MLXIPL: variants seen among roughly 807,000 people sequenced by gnomAD.
The protein encoded by MLXIPL is carbohydrate-responsive element-binding protein.
MLXIPL carries 49 observed loss-of-function variants against 81.5 expected under a neutral mutation model. That is an observed-to-expected ratio of 0.60 (90% CI 0.48 to 0.76). The LOEUF is 0.76. MLXIPL is among the 30% of genes least tolerant of loss of function. The pLI is 0.00. For missense variants in MLXIPL, 1,053 were observed against 1,167.0 expected, an observed-to-expected ratio of 0.90 and a Z score of 1.42; for synonymous variants, 466 against 485.5, an observed-to-expected ratio of 0.96 and a Z score of 0.53.
Position 73,624,463 on chromosome 7 carries a change from C to T in MLXIPL, c.30G>A (p.Ala10=), listed in dbSNP as rs1157894212. The change falls in exon 1 of 17, where the codon GCG becomes GCA. Residue 10 remains alanine (A), a synonymous_variant. Transcript: ENST00000313375. Reference sequence around the variant, plus strand: ...GCGCGACCCGCGGGACCTGCAAGCCCGCGGCCAGACCTGCCAGCGCGCCGG... The same window carrying T: ...GCGCGACCCGCGGGACCTGCAAGCCTGCGGCCAGACCTGCCAGCGCGCCGG... MAGALAGLA[A]GLQVPRVAPS... 1 of 1,544,448 alleles carries T rather than the reference C, an allele frequency of 6.5e-7. No individual in the cohort carries two copies. Among genetic ancestry groups the T allele is most frequent in the South Asian group, 1.2e-5 (1 of 85,074 alleles).
At chr7:73,620,876 C>A (rs1203604168) in intron 1 of MLXIPL, among the ~76,000 whole-genome samples, 3 of 151,930 alleles carry the variant, frequency 2.0e-5, no homozygotes, top group Non-Finnish European at 4.4e-5. Context: ...CATGGTGAAA[C>A]CTCGTCTCTA....
At position 73,597,657 on chromosome 7, in the gene MLXIPL, G is replaced by T. The variant is rs111339223; in HGVS notation, c.1128C>A (p.Phe376Leu). 2.3e-4 allele frequency: 321 copies of T among 1,389,076 alleles called. No individual in the cohort carries two copies. The highest frequency in any genetic ancestry group is 6.0e-4 in the South Asian group (30 of 50,148). 86.0% of individuals were successfully genotyped at this position (1,389,076 alleles called of 1,614,324 possible). ...LDSSAFLSSD[F>L]LLPEDPKPRL... Reference sequence around the variant, plus strand: ...GGGGCTTGGGGTCTTCAGGAAGGAGGAAATCAGAACTCAGGAAGGCGCTGG... The same window carrying T: ...GGGGCTTGGGGTCTTCAGGAAGGAGTAAATCAGAACTCAGGAAGGCGCTGG... Residue 376 changes from phenylalanine to leucine, a missense_variant, in exon 9 of 17, where the codon TTC becomes TTA. Phe to Leu is a conservative substitution (Grantham distance 22). Transcript: ENST00000313375.
At position 73,597,724 on chromosome 7, in the gene MLXIPL, GGACA is replaced by G; in HGVS notation, c.1072-15_1072-12del. The G allele has an allele frequency of 7.5e-7, 1 of 1,337,732 alleles. No homozygotes were observed. The highest frequency in any genetic ancestry group is 9.6e-7 in the Non-Finnish European group (1 of 1,047,044). The allele number at this position is 1,337,732 out of a possible 1,614,324, so 82.9% of individuals were successfully genotyped here. On this transcript the variant is annotated splice_polypyrimidine_tract_variant and intron_variant, in intron 8 of 16. Transcript: ENST00000313375. ...GCAGCTGTTCCGAGCCTGGTTGGGG[GGACA>G]GACAGACACTCAGAGAGCAGGGGAG... is the stretch of plus-strand genomic sequence containing the variant.
At chr7:73,627,972 G>GCTTT (rs150402439), upstream of MLXIPL, among the ~76,000 whole-genome samples, 1 of 151,974 alleles carries the variant, frequency 6.6e-6, no homozygotes, top group Admixed American at 6.6e-5. Context: ...CAAACTCAGT[G>GCTTT]CTTTCTTTCT....
chr7:73,637,416 A>G, the MLXIPL span, among the ~76,000 whole-genome samples: 1 of 151,984 alleles, frequency 6.6e-6, no homozygotes, highest in African/African-American at 2.4e-5. Context: ...TGGAGTTTGC[A>G]GTGAGCTGAG....
chr7:73,602,280 G>C (rs1335880901), intron 7 of MLXIPL, among the ~76,000 whole-genome samples: 1 of 147,670 alleles, frequency 6.8e-6, no homozygotes, highest in African/African-American at 2.5e-5. Flanking sequence ...ACAGTGGCAC[G>C]ATCTCGGCTC....
chr7:73,642,233 C>T, the MLXIPL span, among the ~76,000 whole-genome samples: 7,181 of 152,148 alleles, frequency 0.047, 201 homozygotes, highest in Non-Finnish European at 0.063. Flanking sequence ...GGGTGGTGCA[C>T]GGAGCTTCCA....
chr7:73,624,214 C>T lies in MLXIPL; in HGVS notation c.279G>A (p.Leu93=). The T allele has an allele frequency of 2.5e-6, 4 of 1,593,960 alleles. No individual in the cohort carries two copies. Among genetic ancestry groups the T allele is most frequent in the Non-Finnish European group, 3.4e-6 (4 of 1,171,386 alleles). The change falls in exon 1 of 17, where the codon TTG becomes TTA. Residue 93 remains leucine, a synonymous_variant. Transcript: ENST00000313375. ...ACCGCCCTCACCTGTAGGCCAGGCT[C>T]AAGCACTCGAAGAGGCGTGTGAGTG... The part of the protein sequence containing the change: ...DPTLTRLFEC[L]SLAYSGKLVS...
intron 7 of MLXIPL, among the ~76,000 whole-genome samples, chr7:73,600,949 T>C (rs986401779): frequency 6.9e-6 from 1 of 145,812 alleles, no homozygotes; most frequent in Non-Finnish European, 1.5e-5. Context: ...TCTCTGACCC[T>C]GACCAGCCTG....
In MLXIPL at chr7:73,607,284, G is replaced by A. The variant is rs992958921; in HGVS notation, c.573+47C>T. The A allele has an allele frequency of 2.6e-6, 4 of 1,522,932 alleles. No individual in the cohort carries two copies. The South Asian group carries it at 3.6e-5, about 14-fold the overall frequency. The allele number at this position is 1,522,932 out of a possible 1,614,324, so 94.3% of individuals were successfully genotyped here. A position where few individuals can be genotyped will look rare whatever the true frequency, so the allele number is the denominator to read the frequency against. ...CTTCCGAGGCGGGCGGTAGCCGGCAGCCGCAGGAGGAAAGCTCTGGGGCCT... is the reference window on the plus strand; with the variant it reads ...CTTCCGAGGCGGGCGGTAGCCGGCAACCGCAGGAGGAAAGCTCTGGGGCCT... On this transcript the variant is annotated intron_variant, in intron 4 of 16. Transcript: ENST00000313375.
At chr7:73,598,696 C>A (rs1172287643) in intron 8 of MLXIPL, among the ~76,000 whole-genome samples, 1 of 152,156 alleles carries the variant, frequency 6.6e-6, no homozygotes, top group East Asian at 1.9e-4. Context: ...CAAAACATAA[C>A]CCTTTCAGTA....
chr7:73,636,202 G>C, the MLXIPL span, among the ~76,000 whole-genome samples: 10 of 152,130 alleles, frequency 6.6e-5, no homozygotes, highest in African/African-American at 1.4e-4. Flanking sequence ...TTGAGGCCGG[G>C]AGTTTAAGAC....
chr7:73,639,034 T>C, the MLXIPL span, among the ~76,000 whole-genome samples: 8 of 152,056 alleles, frequency 5.3e-5, no homozygotes, highest in African/African-American at 1.9e-4. Context: ...GGGAAGACTT[T>C]CCCTTAGTGC....
chr7:73,642,415 G>A, the MLXIPL span, among the ~76,000 whole-genome samples: 2 of 152,036 alleles, frequency 1.3e-5, no homozygotes, highest in Admixed American at 6.6e-5. Flanking sequence ...GCAGTAGTGC[G>A]ATCTTGGCTC....
chr7:73,629,788 A>T, the MLXIPL span, among the ~76,000 whole-genome samples: 1 of 151,982 alleles, frequency 6.6e-6, no homozygotes, highest in African/African-American at 2.4e-5. Context: ...AACTGTGTGT[A>T]TATGTGGGTG....
the MLXIPL span, among the ~76,000 whole-genome samples, chr7:73,633,809 A>G: frequency 2.2e-4 from 33 of 152,198 alleles, no homozygotes; most frequent in African/African-American, 7.5e-4. Flanking sequence ...AAAGTGAGAA[A>G]CATGCCTCTG....
chr7:73,602,935 G>A (rs1167775241), intron 7 of MLXIPL, among the ~76,000 whole-genome samples: 2 of 152,160 alleles, frequency 1.3e-5, no homozygotes, highest in African/African-American at 2.4e-5. Context: ...GCTTACCATC[G>A]TTGCCCAGGC....
At chr7:73,602,094 G>T (rs576531556) in intron 7 of MLXIPL, among the ~76,000 whole-genome samples, 60 of 142,854 alleles carry the variant, frequency 4.2e-4, no homozygotes, top group South Asian at 1.4e-3. Flanking sequence ...CTGCCTGCCT[G>T]CCTTCCTGCC....
chr7:73,635,549 A>G, the MLXIPL span, among the ~76,000 whole-genome samples: 1 of 151,352 alleles, frequency 6.6e-6, no homozygotes, highest in Non-Finnish European at 1.5e-5. Flanking sequence ...CCATCCATCC[A>G]TCCATCCATC....
Sources: allele counts gnomAD v4.1 joint callset (sites outside exome capture counted in the v4.1 genomes callset), GRCh38; gene constraint gnomAD v4.1.1; transcripts MANE v1.5; gene names NCBI Gene and HGNC (gene_info 2026-07-23, HGNC 2026-07-21).